The following PHF3 variants were observed in gnomAD, a reference collection of about 807,000 sequenced individuals.
PHF3 encodes the protein PHD finger protein 3.
In PHF3, 41 loss-of-function variants were observed where a neutral mutation model predicts 178.4. That is an observed-to-expected ratio of 0.23 (90% CI 0.18 to 0.30). PHF3 has a LOEUF of 0.30. Among genes scored for constraint, PHF3 ranks in the 10% least tolerant of loss-of-function variants. The pLI is 1.00. For synonymous variants in PHF3, 842 were observed against 800.5 expected (o/e 1.05, Z -0.88); for missense variants, 2,346 against 2,398.1 (o/e 0.98, Z 0.45).
At chr6:63,646,258 T>C (rs527765375) in intron 1 of PHF3, among the ~76,000 whole-genome samples, 24 of 152,250 alleles carry the variant, frequency 1.6e-4, no homozygotes, top group South Asian at 8.3e-4. Context: ...AGTTTTTTTT[T>C]CCTAAAAATA....
At position 63,685,483 on chromosome 6, in the gene PHF3, A is replaced by C. The variant is rs751553492; in HGVS notation, c.1761A>C (p.Gln587His). 2.8e-5 allele frequency: 45 copies of C among 1,613,956 alleles called. No homozygotes were observed. The highest frequency in any genetic ancestry group is 1.6e-4 in the Middle Eastern group (1 of 6,084). ...CATTACAGGATCAAACTTTAGTACA[A>C]ATTTTCAAGCCCTTAACTCATTCTT... is the stretch of plus-strand genomic sequence containing the variant. Reference protein sequence around the residue: ...KKTLQDQTLVQIFKPLTHSLS... With the variant: ...KKTLQDQTLVHIFKPLTHSLS... The change falls in exon 4 of 16, where the codon CAA (glutamine) becomes CAC (histidine). Residue 587 changes from glutamine to histidine, a missense_variant. Physicochemically the swap from Gln to His is conservative, Grantham distance 24. This residue lies in a region of PHF3 where 843 missense variants were observed against 795.2 expected (regional missense o/e 1.06). Transcript: ENST00000262043.
intron 2 of PHF3, among the ~76,000 whole-genome samples, chr6:63,661,811 A>G (rs1747424864): frequency 6.6e-6 from 1 of 152,192 alleles, no homozygotes; most frequent in African/African-American, 2.4e-5. Context: ...ATTGATCACC[A>G]GAGCTGGGTA....
chr6:63,662,549 CT>C (rs1444800699), intron 2 of PHF3, among the ~76,000 whole-genome samples: 2 of 152,186 alleles, frequency 1.3e-5, no homozygotes, highest in Non-Finnish European at 2.9e-5. Context: ...CCCTTGTACT[CT>C]TTTCCCTTCC....
rs190979382 is a variant in PHF3 at position 63,718,736 on chromosome 6, A to T, written c.*5028A>T. Among the ~76,000 whole-genome samples, 7 of 152,168 alleles carry T rather than the reference A, an allele frequency of 4.6e-5. No individual in the cohort carries two copies. Among genetic ancestry groups the T allele is most frequent in the African/African-American group, 1.7e-4 (7 of 41,576 alleles). On this transcript the variant is annotated 3_prime_UTR_variant, in exon 16 of 16. Coordinates refer to ENST00000262043, the MANE Select transcript of PHF3 (RefSeq NM_001370348.2). ...ACCATAGTTTGGGAAGTGCTATTTT[A>T]AAGAAAAGGCACACTTTATTATGAG...
intron 3 of PHF3, among the ~76,000 whole-genome samples, chr6:63,681,782 T>A (rs948141450): frequency 6.6e-6 from 1 of 152,108 alleles, no homozygotes; most frequent in Admixed American, 6.6e-5. Context: ...CCTCCATCTT[T>A]CCTAGATGCT....
intron 14 of PHF3, among the ~76,000 whole-genome samples, chr6:63,710,608 ATTACT>A (rs1298784602): frequency 1.3e-5 from 2 of 152,158 alleles, no homozygotes; most frequent in East Asian, 1.9e-4. Context: ...CCTAAGCCAA[ATTACT>A]TTACAAAATT....
chr6:63,699,062 G>T (rs894668621), intron 8 of PHF3, among the ~76,000 whole-genome samples: 5 of 152,208 alleles, frequency 3.3e-5, no homozygotes, highest in South Asian at 2.1e-4. Context: ...TAGTTCTAAA[G>T]ATAGTCTTAA....
At chr6:63,669,796 C>T (rs1311728902) in intron 2 of PHF3, among the ~76,000 whole-genome samples, 2 of 152,154 alleles carry the variant, frequency 1.3e-5, no homozygotes, top group East Asian at 1.9e-4. Flanking sequence ...TTACTGACTT[C>T]TAAACCTACA....
Position 63,715,663 on chromosome 6 carries a change from A to G in PHF3, c.*1955A>G, listed in dbSNP as rs542135537. 6.6e-6 allele frequency among the ~76,000 whole-genome samples: 1 copy of G among 152,154 alleles called. No homozygotes were observed. Among genetic ancestry groups the G allele is most frequent in the Non-Finnish European group, 1.5e-5 (1 of 68,018 alleles). On this transcript the variant is annotated 3_prime_UTR_variant, in exon 16 of 16. Transcript: ENST00000262043. The stretch of plus-strand genomic sequence containing the variant: ...ATCGAATCTTGATACATGTTTTTAA[A>G]ATAGGCAAGGCCCATATAGCTTTCT...
At chr6:63,652,454 G>C (rs895937936) in intron 2 of PHF3, among the ~76,000 whole-genome samples, 2 of 152,020 alleles carry the variant, frequency 1.3e-5, no homozygotes, top group African/African-American at 4.8e-5. Flanking sequence ...TTGTTGGATG[G>C]CTCAGTAGCA....
rs1207500216 is a variant in PHF3 at position 63,653,738 on chromosome 6, CT to C, written c.244+6946del. 2.6e-5 allele frequency among the ~76,000 whole-genome samples: 4 copies of C among 152,140 alleles called. No individual in the cohort carries two copies. In the South Asian group the frequency reaches 8.3e-4, roughly 31 times the overall value. On this transcript the variant is annotated intron_variant, in intron 2 of 15. Coordinates refer to ENST00000262043, the MANE Select transcript of PHF3 (RefSeq NM_001370348.2). ...CAGATGTTAGAGGAAAAACTTTCAA[CT>C]TTCCCCCATTTAGTATGATGTTGAC...
At chr6:63,702,358 A>T (rs1767511926) in intron 9 of PHF3, 150 bp from the exon 10 acceptor site, 1 of 462,288 alleles carries the variant, frequency 2.2e-6, no homozygotes, top group South Asian at 4.5e-5. Context: ...AAAAGTACTC[A>T]GAATATGTTT....
At chr6:63,661,127 C>T (rs1350995678) in intron 2 of PHF3, among the ~76,000 whole-genome samples, 3 of 152,148 alleles carry the variant, frequency 2.0e-5, no homozygotes, top group Non-Finnish European at 4.4e-5. Flanking sequence ...CAGTTCTCAA[C>T]ATTACTGTGT....
chr6:63,644,776 A>G (rs946249994), intron 1 of PHF3, among the ~76,000 whole-genome samples: 2 of 152,122 alleles, frequency 1.3e-5, no homozygotes, highest in African/African-American at 4.8e-5. Flanking sequence ...TCGTGAAACC[A>G]TTATCACAAC....
rs2149626323 is a variant in PHF3 at position 63,722,239 on chromosome 6, A to G, written c.*8531A>G. Among the ~76,000 whole-genome samples the G allele has an allele frequency of 6.6e-6, 1 of 152,128 alleles. No individual in the cohort carries two copies. The highest frequency in any genetic ancestry group is 1.5e-5 in the Non-Finnish European group (1 of 67,984). On this transcript the variant is annotated 3_prime_UTR_variant, in exon 16 of 16. Transcript: ENST00000262043. ...CTTACACTCTCTTTACTTCAACAACACTGACTTTGTTAATTAAGGATTTCA... is the reference window on the plus strand; with the variant it reads ...CTTACACTCTCTTTACTTCAACAACGCTGACTTTGTTAATTAAGGATTTCA...
intron 4 of PHF3, among the ~76,000 whole-genome samples, chr6:63,688,180 C>T (rs1299780230): frequency 7.6e-5 from 10 of 131,386 alleles, no homozygotes; most frequent in South Asian, 5.5e-4. Flanking sequence ...AGCAAGACTC[C>T]GTCTCAAAAA....
Position 63,636,077 on chromosome 6 carries a change from C to T in PHF3, c.-99C>T, listed in dbSNP as rs1202127323. The T allele has an allele frequency of 1.8e-5, 7 of 392,620 alleles. No homozygotes were observed. The highest frequency in any genetic ancestry group is 2.1e-5 in the African/African-American group (1 of 48,346). 24.3% of individuals were successfully genotyped at this position (392,620 alleles called of 1,614,324 possible). A position where few individuals can be genotyped will look rare whatever the true frequency, so the allele number is the denominator to read the frequency against. On this transcript the variant is annotated 5_prime_UTR_variant, in exon 1 of 16. Transcript: ENST00000262043. ...CGCGGCACCCACCGGGCCCCCTCCTCCTCCTCTTCGGCGGCGGCAGCGTCC... is the reference window on the plus strand; with the variant it reads ...CGCGGCACCCACCGGGCCCCCTCCTTCTCCTCTTCGGCGGCGGCAGCGTCC...
At chr6:63,708,880 C>CCGGA (rs1767804391) in intron 13 of PHF3, among the ~76,000 whole-genome samples, 1 of 152,128 alleles carries the variant, frequency 6.6e-6, no homozygotes, top group Admixed American at 6.5e-5. Flanking sequence ...CCATTGCTTC[C>CCGGA]CTTTCCCATC....
chr6:63,671,862 T>A (rs1370756939), intron 2 of PHF3, among the ~76,000 whole-genome samples: 1 of 152,326 alleles, frequency 6.6e-6, no homozygotes, highest in Non-Finnish European at 1.5e-5. Context: ...TTCTCCTGCC[T>A]CAGCCTCCCA....
Sources: gnomAD v4.1 joint callset for allele counts (sites outside exome capture counted in the v4.1 genomes callset) on GRCh38, gnomAD v4.1.1 for gene constraint, gnomAD v4.1.1 regional missense constraint, MANE v1.5 for transcripts, NCBI Gene and HGNC (gene_info 2026-07-23, HGNC 2026-07-21) for gene names.